Variants in ROBO1 observed in about 807,000 individuals in gnomAD.
ROBO1 encodes the protein roundabout guidance receptor 1.
In ROBO1, 149 loss-of-function variants were observed where a neutral mutation model predicts 195.9. The observed-to-expected ratio is 0.76, with a 90% confidence interval of 0.67 to 0.87. The LOEUF (loss-of-function observed/expected upper bound fraction) is 0.87, where lower values mean the gene tolerates loss of function less well. ROBO1 is among the 40% of genes least tolerant of loss of function. The pLI is 0.00. For synonymous variants in ROBO1, 816 were observed against 733.2 expected, an observed-to-expected ratio of 1.11 and a Z score of -1.82; for missense variants, 1,933 against 2,068.3, an observed-to-expected ratio of 0.93 and a Z score of 1.27.
intron 4 of ROBO1, among the ~76,000 whole-genome samples, chr3:78,925,159 T>C (rs1248131348): frequency 6.6e-6 from 1 of 152,166 alleles, no homozygotes; most frequent in Non-Finnish European, 1.5e-5. Context: ...TATGTAACAA[T>C]TTAAGGAAAC....
At chr3:78,679,835 A>G (rs576360162) in intron 10 of ROBO1, among the ~76,000 whole-genome samples, 3 of 152,220 alleles carry the variant, frequency 2.0e-5, no homozygotes, top group East Asian at 3.9e-4. Context: ...AAACTACTTT[A>G]AAGTTCATAT....
intron 2 of ROBO1, among the ~76,000 whole-genome samples, chr3:79,452,446 C>T (rs1296361377): frequency 1.3e-5 from 2 of 151,998 alleles, no homozygotes; most frequent in Admixed American, 1.3e-4. Flanking sequence ...TAAGATATCA[C>T]CCTCCAATAG....
At chr3:79,011,649 TC>T (rs912009768) in intron 3 of ROBO1, among the ~76,000 whole-genome samples, 35 of 149,146 alleles carry the variant, frequency 2.3e-4, no homozygotes, top group Non-Finnish European at 3.4e-4. Flanking sequence ...TATATTTTTT[TC>T]ATAATGTTTT....
In ROBO1 at chr3:78,702,756, T is replaced by C. The variant is rs374835610; in HGVS notation, c.1045+11641A>G. The stretch of plus-strand genomic sequence containing the variant: ...GTTGCTCAGTTATACATCTATATAA[T>C]TGGGCAGTGAGAAAACCTTACCCAC... On this transcript the variant is annotated intron_variant, in intron 8 of 30. Coordinates refer to ENST00000464233, the MANE Select transcript of ROBO1 (RefSeq NM_002941.4). Among the ~76,000 whole-genome samples, 101 of 152,286 alleles carry C rather than the reference T, an allele frequency of 6.6e-4. 1 individual carries two copies. In the South Asian group the frequency reaches 0.017, roughly 26 times the overall value.
chr3:79,551,784 A>C (rs1443940030), intron 2 of ROBO1, among the ~76,000 whole-genome samples: 1 of 151,876 alleles, frequency 6.6e-6, no homozygotes, highest in East Asian at 1.9e-4. Context: ...GAACAGGGAG[A>C]AAAAGGACCT....
intron 2 of ROBO1, among the ~76,000 whole-genome samples, chr3:79,574,614 C>G (rs1039701105): frequency 1.3e-5 from 2 of 151,884 alleles, no homozygotes; most frequent in African/African-American, 4.8e-5. Flanking sequence ...TTACTTTAAT[C>G]AGACTGCATA....
intron 21 of ROBO1, among the ~76,000 whole-genome samples, chr3:78,642,812 T>C (rs115533687): frequency 0.052 from 7,910 of 152,212 alleles, 275 homozygotes; most frequent in African/African-American, 0.087. Flanking sequence ...TTTCCAGGAA[T>C]AGCCACATTT....
intron 4 of ROBO1, among the ~76,000 whole-genome samples, chr3:78,878,602 A>C (rs1053836737): frequency 1.3e-5 from 2 of 151,184 alleles, no homozygotes; most frequent in African/African-American, 2.4e-5. Context: ...AAAAAAAAAA[A>C]AAAAAACTGC....
chr3:79,598,268 TTA>T (rs1347864879), intron 1 of ROBO1, among the ~76,000 whole-genome samples: 1 of 152,058 alleles, frequency 6.6e-6, no homozygotes, highest in African/African-American at 2.4e-5. Context: ...GACAGATACG[TTA>T]TTGATTAATA....
chr3:78,610,474 G>A (rs1703746499), intron 28 of ROBO1, among the ~76,000 whole-genome samples: 1 of 152,128 alleles, frequency 6.6e-6, no homozygotes, highest in South Asian at 2.1e-4. Flanking sequence ...ACGAAGCAGA[G>A]AGAGTGAGTG....
At chr3:78,784,464 C>T (rs2083771259) in intron 4 of ROBO1, among the ~76,000 whole-genome samples, 1 of 152,084 alleles carries the variant, frequency 6.6e-6, no homozygotes, top group South Asian at 2.1e-4. Context: ...GGATGTTTAG[C>T]TGTACAGCTT....
chr3:78,840,922 C>A (rs2033146839), intron 4 of ROBO1, among the ~76,000 whole-genome samples: 1 of 150,986 alleles, frequency 6.6e-6, no homozygotes, highest in Non-Finnish European at 1.5e-5. Context: ...ATTAGCTGGG[C>A]GTGGTGGTGG....
At chr3:79,377,706 T>TA (rs1478183965) in intron 2 of ROBO1, among the ~76,000 whole-genome samples, 1 of 152,230 alleles carries the variant, frequency 6.6e-6, no homozygotes, top group Non-Finnish European at 1.5e-5. Context: ...AGGTGGTCAT[T>TA]AGGGACAGCC....
At chr3:79,637,284 G>A (rs1945522735) in intron 1 of ROBO1, among the ~76,000 whole-genome samples, 1 of 151,630 alleles carries the variant, frequency 6.6e-6, no homozygotes, top group African/African-American at 2.4e-5. Flanking sequence ...GAGAGTCAGT[G>A]CTATCTAGTA....
chr3:79,353,304 A>G (rs2035416482), intron 2 of ROBO1, among the ~76,000 whole-genome samples: 1 of 152,136 alleles, frequency 6.6e-6, no homozygotes, highest in Admixed American at 6.5e-5. Flanking sequence ...GCTATAATAG[A>G]TATATGATTA....
At chr3:78,671,994 T>C (rs1013234690) in intron 10 of ROBO1, among the ~76,000 whole-genome samples, 1 of 152,164 alleles carries the variant, frequency 6.6e-6, no homozygotes, top group South Asian at 2.1e-4. Flanking sequence ...TTAACAAAAA[T>C]AAAGCAATAA....
At chr3:78,965,489 TGTTCTTTGGGGGAAA>T (rs1470681366) in intron 3 of ROBO1, among the ~76,000 whole-genome samples, 1 of 152,132 alleles carries the variant, frequency 6.6e-6, no homozygotes, top group African/African-American at 2.4e-5. Flanking sequence ...GAGTGAGAAA[TGTTCTTTGGGGGAAA>T]GTTCTTTAGT....
At chr3:79,539,931 A>G (rs960453577) in intron 2 of ROBO1, among the ~76,000 whole-genome samples, 21 of 70,526 alleles carry the variant, frequency 3.0e-4, no homozygotes, top group African/African-American at 1.4e-3. Context: ...GATTAATTTT[A>G]TATGTGACCC....
chr3:78,661,537 G>A (rs114749598), intron 15 of ROBO1, among the ~76,000 whole-genome samples: 1,528 of 152,148 alleles, frequency 0.01, 33 homozygotes, highest in African/African-American at 0.035. Flanking sequence ...TAAAAATTTC[G>A]GTGGCATTAA....
Sources: allele counts gnomAD v4.1 joint callset (sites outside exome capture counted in the v4.1 genomes callset), GRCh38; gene constraint gnomAD v4.1.1; transcripts MANE v1.5; gene names NCBI Gene and HGNC (gene_info 2026-07-23, HGNC 2026-07-21).